FIBCD1: variants seen among roughly 807,000 people sequenced by gnomAD.
The protein encoded by FIBCD1 is fibrinogen C domain containing 1.
A neutral mutation model predicts 45.1 loss-of-function variants in FIBCD1; 47 were observed. The ratio of observed to expected loss-of-function variants is 1.04; its 90% CI spans 0.82 to 1.33. The LOEUF (loss-of-function observed/expected upper bound fraction) is 1.33, where lower values mean the gene tolerates loss of function less well. Among genes scored for constraint, FIBCD1 ranks in the 40% most tolerant of loss-of-function variants. FIBCD1 has a pLI of 0.00. For missense variants in FIBCD1, 653 were observed against 682.2 expected (o/e 0.96, Z 0.48); for synonymous variants, 313 against 308.1 (o/e 1.02, Z -0.17).
At chr9:130,908,955 C>T (rs943834074) in intron 5 of FIBCD1, among the ~76,000 whole-genome samples, 2 of 152,076 alleles carry the variant, frequency 1.3e-5, no homozygotes, top group Non-Finnish European at 2.9e-5. Context: ...GGGCCCCCGA[C>T]CCCCCATCTT....
chr9:130,933,581 C>G (rs1832472693), intron 1 of FIBCD1, among the ~76,000 whole-genome samples: 1 of 152,214 alleles, frequency 6.6e-6, no homozygotes, highest in Non-Finnish European at 1.5e-5. Context: ...CGGCTGCCTA[C>G]GAAGCCTTGG....
In FIBCD1 at chr9:130,935,489, C is replaced by G. The variant is rs556715755; in HGVS notation, c.72+3047G>C. Among the ~76,000 whole-genome samples the G allele has an allele frequency of 1.4e-4, 21 of 152,346 alleles. No homozygotes were observed. The South Asian group carries it at 1.7e-3, about 12-fold the overall frequency. The stretch of plus-strand genomic sequence containing the variant: ...AACAAAGTCCAAATCGGCAACTTGT[C>G]CAAGGTCGCCCGACAAAGAGTAGCT... On this transcript the variant is annotated intron_variant, in intron 1 of 6. Coordinates refer to ENST00000372338, the MANE Select transcript of FIBCD1 (RefSeq NM_032843.5).
At chr9:130,910,360 G>C (rs1333139172) in intron 5 of FIBCD1, among the ~76,000 whole-genome samples, 1 of 152,212 alleles carries the variant, frequency 6.6e-6, no homozygotes, top group Non-Finnish European at 1.5e-5. Context: ...GCCTTCCCGC[G>C]GGCCAGGGCT....
intron 6 of FIBCD1, among the ~76,000 whole-genome samples, chr9:130,904,936 C>G (rs756748491): frequency 3.9e-5 from 6 of 152,192 alleles, no homozygotes; most frequent in Non-Finnish European, 8.8e-5. Flanking sequence ...ACTGAATCAA[C>G]TGATGAAGAC....
At chr9:130,923,952 C>T (rs1832310026) in intron 3 of FIBCD1, 72 bp from the exon 4 acceptor site, 2 of 1,603,102 alleles carry the variant, frequency 1.2e-6, no homozygotes, top group Admixed American at 1.7e-5. Context: ...GCCAAACTGT[C>T]TGTCCATCGA....
intron 4 of FIBCD1, among the ~76,000 whole-genome samples, chr9:130,920,694 A>G (rs1018474645): frequency 2.6e-5 from 4 of 151,930 alleles, no homozygotes; most frequent in African/African-American, 9.7e-5. Flanking sequence ...AACCTCCTTA[A>G]ACCAGATAGG....
At chr9:130,937,761 G>C (rs978301681) in intron 1 of FIBCD1, among the ~76,000 whole-genome samples, 2 of 152,142 alleles carry the variant, frequency 1.3e-5, no homozygotes, top group African/African-American at 2.4e-5. Context: ...CCTTGGCTTC[G>C]GGACTCCAGC....
At chr9:130,908,588 G>A (rs370610473) in intron 5 of FIBCD1, among the ~76,000 whole-genome samples, 12 of 152,144 alleles carry the variant, frequency 7.9e-5, no homozygotes, top group South Asian at 6.2e-4. Context: ...CCCAACACAC[G>A]CAGGCTTGTG....
At chr9:130,924,134 C>T (rs560926775) in intron 3 of FIBCD1, 103 bp downstream of exon 3, 41 of 1,407,256 alleles carry the variant, frequency 2.9e-5, no homozygotes, top group Non-Finnish European at 3.8e-5. Flanking sequence ...GAAGTAGGGT[C>T]GGGCCCTGGA....
At chr9:130,912,703 T>TGA (rs1554774349) in intron 4 of FIBCD1, among the ~76,000 whole-genome samples, 1 of 127,748 alleles carries the variant, frequency 7.8e-6, no homozygotes, top group African/African-American at 3.8e-5. Flanking sequence ...CAAAACTGTC[T>TGA]GAAAAAAAAA....
chr9:130,940,571 T>C (rs1323531138), upstream of FIBCD1, among the ~76,000 whole-genome samples: 1 of 152,232 alleles, frequency 6.6e-6, no homozygotes, highest in Non-Finnish European at 1.5e-5. Context: ...GGGCCCTGGC[T>C]GTGTGGCTGA....
At chr9:130,929,277 A>G (rs543504077) in intron 2 of FIBCD1, among the ~76,000 whole-genome samples, 38 of 152,268 alleles carry the variant, frequency 2.5e-4, no homozygotes, top group African/African-American at 8.7e-4. Context: ...GGAAGCCCCA[A>G]GCCCTGGATT....
At chr9:130,935,998 G>C (rs140911343) in intron 1 of FIBCD1, among the ~76,000 whole-genome samples, 152 of 152,368 alleles carry the variant, frequency 1.0e-3, no homozygotes, top group African/African-American at 3.4e-3. Flanking sequence ...CTGGGGGGCA[G>C]AGAGGAGACC....
intron 5 of FIBCD1, among the ~76,000 whole-genome samples, chr9:130,908,167 C>A (rs1831968396): frequency 6.6e-6 from 1 of 151,952 alleles, no homozygotes; most frequent in Non-Finnish European, 1.5e-5. Context: ...TGATCGGTAA[C>A]CTTAATATAT....
intron 4 of FIBCD1, among the ~76,000 whole-genome samples, chr9:130,916,925 C>T (rs887006546): frequency 6.6e-6 from 1 of 152,126 alleles, no homozygotes; most frequent in Non-Finnish European, 1.5e-5. Context: ...TGGTGAAACC[C>T]CATCTCTACT....
At chr9:130,914,233 C>G (rs909863108) in intron 4 of FIBCD1, among the ~76,000 whole-genome samples, 2 of 152,232 alleles carry the variant, frequency 1.3e-5, no homozygotes, top group African/African-American at 4.8e-5. Context: ...CCAGCCCTCC[C>G]GAGGGGTCTG....
intron 5 of FIBCD1, among the ~76,000 whole-genome samples, chr9:130,908,882 T>C (rs1191242716): frequency 6.6e-6 from 1 of 152,068 alleles, no homozygotes; most frequent in African/African-American, 2.4e-5. Flanking sequence ...TGGCAGATCT[T>C]GCCCAGGGGC....
intron 3 of FIBCD1, 107 bp downstream of exon 3, chr9:130,924,130 G>C: frequency 2.1e-6 from 3 of 1,397,294 alleles, no homozygotes; most frequent in Non-Finnish European, 2.8e-6. Flanking sequence ...CATGGAAGTA[G>C]GGTCGGGCCC....
chr9:130,903,777 C>T lies in FIBCD1; in HGVS notation c.*287G>A, dbSNP rs545312833. On this transcript the variant is annotated 3_prime_UTR_variant, in exon 7 of 7. Coordinates refer to ENST00000372338, the MANE Select transcript of FIBCD1 (RefSeq NM_032843.5). ...CTGGCCAGGGGACGGCAAACAGCAC[C>T]GGAGTCACAGTGGGGGCAGGCAGGA... is the stretch of plus-strand genomic sequence containing the variant. The T allele has an allele frequency of 0.015, 7,917 of 535,380 alleles. 121 individuals are homozygous for T. The highest frequency in any genetic ancestry group is 0.019 in the Non-Finnish European group (5,630 of 290,732). 33.2% of individuals were successfully genotyped at this position (535,380 alleles called of 1,614,324 possible).
Sources: allele counts gnomAD v4.1 joint callset (sites outside exome capture counted in the v4.1 genomes callset), GRCh38; gene constraint gnomAD v4.1.1; transcripts MANE v1.5; gene names NCBI Gene and HGNC (gene_info 2026-07-23, HGNC 2026-07-21).